The following NSUN4 variants were observed in gnomAD, a reference collection of about 807,000 sequenced individuals.
NSUN4 encodes the protein NOP2/Sun RNA methyltransferase 4, also known as 5-cytosine rRNA methyltransferase NSUN4.
A neutral mutation model predicts 43.8 loss-of-function variants in NSUN4; 31 were observed. The ratio of observed to expected loss-of-function variants is 0.71; its 90% CI spans 0.53 to 0.96. NSUN4 has a LOEUF of 0.96. Ranked by LOEUF, NSUN4 falls within the 40% of genes least tolerant of loss-of-function variation. The pLI, the probability that NSUN4 is intolerant of heterozygous loss-of-function variation, is 0.00. For missense variants in NSUN4, 439 were observed against 475.6 expected (o/e 0.92, Z 0.72); for synonymous variants, 167 against 184.1 (o/e 0.91, Z 0.75).
At chr1:46,383,357 G>A in the NSUN4 span, among the ~76,000 whole-genome samples, 47 of 152,112 alleles carry the variant, frequency 3.1e-4, 1 homozygote, top group South Asian at 9.3e-3. Context: ...CAGCCTCCTG[G>A]TTCTCCAGGA....
the NSUN4 span, among the ~76,000 whole-genome samples, chr1:46,383,581 G>C: frequency 1.4e-5 from 2 of 147,866 alleles, no homozygotes; most frequent in African/African-American, 5.0e-5. Flanking sequence ...TCAGCCTCCC[G>C]AGTAGCTGGG....
chr1:46,344,270 G>C (rs1662321435), intron 1 of NSUN4: 1 of 158,872 alleles, frequency 6.3e-6, no homozygotes, highest in Non-Finnish European at 1.4e-5. Context: ...TAAGCATGGT[G>C]GTGCTAGTCA....
chr1:46,345,472 C>A, intron 2 of NSUN4: 1 of 236,728 alleles, frequency 4.2e-6, no homozygotes, highest in South Asian at 8.7e-5. Context: ...TTTGAACCCA[C>A]TCTGCTCTGT....
chr1:46,372,460 A>G, the NSUN4 span, among the ~76,000 whole-genome samples: 1 of 151,934 alleles, frequency 6.6e-6, no homozygotes, highest in Non-Finnish European at 1.5e-5. Flanking sequence ...TACTATTTAC[A>G]TGGCCAGGCT....
At chr1:46,342,332 C>T in intron 1 of NSUN4, 1 of 399,366 alleles carries the variant, frequency 2.5e-6, no homozygotes, top group South Asian at 1.3e-4. Flanking sequence ...ATTGTTGTGG[C>T]TTCCCACTCT....
At chr1:46,370,253 A>T in the NSUN4 span, among the ~76,000 whole-genome samples, 1 of 152,194 alleles carries the variant, frequency 6.6e-6, no homozygotes, top group Non-Finnish European at 1.5e-5. Context: ...TGTTTTGAGT[A>T]TCCCCAGGGG....
chr1:46,341,632 CT>C, intron 1 of NSUN4: 2 of 1,223,782 alleles, frequency 1.6e-6, no homozygotes, highest in Non-Finnish European at 2.0e-6. Flanking sequence ...CCCTCGCCAC[CT>C]CCACCATCTC....
intron 3 of NSUN4, among the ~76,000 whole-genome samples, chr1:46,351,289 G>A (rs755817968): frequency 1.1e-4 from 16 of 152,016 alleles, no homozygotes; most frequent in Non-Finnish European, 1.9e-4. Context: ...GCTTGAACCC[G>A]GGAGGCGGAG....
At chr1:46,380,753 G>C in the NSUN4 span, among the ~76,000 whole-genome samples, 1 of 152,130 alleles carries the variant, frequency 6.6e-6, no homozygotes, top group African/African-American at 2.4e-5. Context: ...GGCAGAGTTA[G>C]GATTTGAACT....
chr1:46,343,180 C>T (rs41293287), intron 1 of NSUN4: 92,918 of 325,826 alleles, frequency 0.29, 12,236 homozygotes, highest in Non-Finnish European at 0.34. Flanking sequence ...CTCAATCATT[C>T]GACAGGCCCC....
At chr1:46,344,141 A>C in intron 1 of NSUN4, 2 of 179,196 alleles carry the variant, frequency 1.1e-5, no homozygotes, top group Non-Finnish European at 2.3e-5. Flanking sequence ...TGCTACCCCC[A>C]TAGCAGTCAT....
chr1:46,356,917 ATCTT>A (rs1300194961), intron 4 of NSUN4, among the ~76,000 whole-genome samples: 12 of 152,152 alleles, frequency 7.9e-5, no homozygotes, highest in Non-Finnish European at 2.9e-5. Flanking sequence ...ACATGTTTCT[ATCTT>A]CCCTTATAAT....
At chr1:46,350,409 C>T (rs780005343) in intron 3 of NSUN4, among the ~76,000 whole-genome samples, 1 of 152,142 alleles carries the variant, frequency 6.6e-6, no homozygotes, top group African/African-American at 2.4e-5. Flanking sequence ...GATTACTAAG[C>T]TGGTTCATAG....
chr1:46,368,359 G>A (rs1043899661), downstream of NSUN4, among the ~76,000 whole-genome samples: 5 of 152,138 alleles, frequency 3.3e-5, no homozygotes, highest in African/African-American at 1.2e-4. Flanking sequence ...TTGAATCTGG[G>A]CTGATCTTAT....
At chr1:46,348,261 C>G (rs1221386020) in intron 3 of NSUN4, among the ~76,000 whole-genome samples, 1 of 152,200 alleles carries the variant, frequency 6.6e-6, no homozygotes, top group Non-Finnish European at 1.5e-5. Context: ...CAAGCCTCAG[C>G]TCAAGTGTGC....
At chr1:46,355,752 C>T (rs570067500) in intron 4 of NSUN4, among the ~76,000 whole-genome samples, 6 of 152,270 alleles carry the variant, frequency 3.9e-5, no homozygotes, top group African/African-American at 9.6e-5. Context: ...CGGTGGCTAA[C>T]GACTGTAATC....
In NSUN4 at chr1:46,361,639, G is replaced by T. The variant is rs1173183751; in HGVS notation, c.948G>T (p.Gln316His). ...CTACCTGCTCACTCTCACACTTACA[G>T]AACGAGTATGTGGTGCAAGGTGCCA... is the stretch of plus-strand genomic sequence containing the variant. ...VYSTCSLSHLQNEYVVQGAIE... is the reference protein window; with the variant it reads ...VYSTCSLSHLHNEYVVQGAIE... The change falls in exon 6 of 6, where the codon CAG becomes CAT. Residue 316 changes from glutamine (Q) to histidine (H), a missense_variant. Coordinates refer to ENST00000474844, the MANE Select transcript of NSUN4 (RefSeq NM_199044.4). The T allele has an allele frequency of 6.2e-7, 1 of 1,614,194 alleles. No individual in the cohort carries two copies. Among genetic ancestry groups the T allele is most frequent in the Non-Finnish European group, 8.5e-7 (1 of 1,180,032 alleles).
the NSUN4 span, among the ~76,000 whole-genome samples, chr1:46,371,134 GA>G: frequency 1.4e-5 from 2 of 138,582 alleles, no homozygotes; most frequent in South Asian, 4.6e-4. Context: ...TTGCCACCTT[GA>G]TTTTTTTTTT....
chr1:46,343,394 T>A, intron 1 of NSUN4: 1 of 399,784 alleles, frequency 2.5e-6, no homozygotes, highest in East Asian at 3.6e-5. Flanking sequence ...ATATCTACCC[T>A]GTGGCCTCTC....
Sources: allele counts gnomAD v4.1 joint callset (sites outside exome capture counted in the v4.1 genomes callset), GRCh38; gene constraint gnomAD v4.1.1; transcripts MANE v1.5; gene names NCBI Gene and HGNC (gene_info 2026-07-23, HGNC 2026-07-21).